TTLL7: variants seen among roughly 807,000 people sequenced by gnomAD.
The protein encoded by TTLL7 is tubulin tyrosine ligase like 7.
TTLL7 carries 53 observed loss-of-function variants against 120.2 expected under a neutral mutation model. The ratio of observed to expected loss-of-function variants is 0.44; its 90% confidence interval spans 0.35 to 0.55. TTLL7 has a LOEUF of 0.55. TTLL7 is among the 20% of genes least tolerant of loss of function. The probability of loss-of-function intolerance (pLI) is 0.00; values close to 1 mark genes in which losing one functional copy is unlikely to be tolerated. For synonymous variants in TTLL7, 353 were observed against 351.7 expected (o/e 1.00, Z -0.04); for missense variants, 803 against 1,054.7 (o/e 0.76, Z 3.31).
intron 20 of TTLL7, among the ~76,000 whole-genome samples, chr1:83,877,779 C>T (rs1205546797): frequency 6.6e-6 from 1 of 151,754 alleles, no homozygotes; most frequent in African/African-American, 2.4e-5. Flanking sequence ...CTAAAATCTG[C>T]TTTTGGCTGT....
intron 18 of TTLL7, among the ~76,000 whole-genome samples, chr1:83,899,076 G>A (rs1381943894): frequency 6.6e-6 from 1 of 151,700 alleles, no homozygotes; most frequent in African/African-American, 2.4e-5. Context: ...TTATAAAAAT[G>A]GAAAGTTTTA....
At chr1:83,918,490 T>G (rs1658373397) in intron 13 of TTLL7, among the ~76,000 whole-genome samples, 2 of 152,108 alleles carry the variant, frequency 1.3e-5, no homozygotes, top group African/African-American at 4.8e-5. Context: ...GCAGTAGAAA[T>G]GTGTAAAGTA....
intron 18 of TTLL7, among the ~76,000 whole-genome samples, chr1:83,896,480 G>A (rs572664591): frequency 1.3e-5 from 2 of 152,024 alleles, no homozygotes; most frequent in African/African-American, 4.8e-5. Flanking sequence ...ATAATGGCAC[G>A]AGGTGAAGGC....
At chr1:83,947,545 A>T (rs1648628200) in intron 5 of TTLL7, 1 of 318,746 alleles carries the variant, frequency 3.1e-6, no homozygotes, top group Non-Finnish European at 5.7e-6. Flanking sequence ...CATCAAAAAC[A>T]TTTTTTTTAG....
Position 83,919,721 on chromosome 1 carries a change from T to C in TTLL7, c.1478A>G (p.Asn493Ser). The change falls in exon 13 of 21, where the codon AAT (asparagine) becomes AGT (serine). Residue 493 changes from asparagine (N) to serine (S), a missense_variant. Asn to Ser is a conservative substitution (Grantham distance 46). Transcript: ENST00000260505. Reference protein sequence around the residue: ...GRAASFQRELNNPLKRMKEED... With the variant: ...GRAASFQRELSNPLKRMKEED... ...TACCTTCATCCTTTTCAAAGGATTA[T>C]TCAACTCTCGCTGGAATGAAGCTGC... is the stretch of plus-strand genomic sequence containing the variant. 1 of 1,612,634 alleles carries C rather than the reference T, an allele frequency of 6.2e-7. No homozygotes were observed. Among genetic ancestry groups the C allele is most frequent in the Non-Finnish European group, 8.5e-7 (1 of 1,179,316 alleles).
intron 19 of TTLL7, among the ~76,000 whole-genome samples, chr1:83,888,492 A>T (rs892994454): frequency 9.2e-5 from 14 of 152,026 alleles, no homozygotes; most frequent in Non-Finnish European, 1.9e-4. Flanking sequence ...ACATGGCTAG[A>T]ATATTTAAAT....
At position 83,924,466 on chromosome 1, in the gene TTLL7, A is replaced by G. The variant is rs576192253; in HGVS notation, c.1143-3072T>C. 4.6e-5 allele frequency among the ~76,000 whole-genome samples: 7 copies of G among 152,338 alleles called. No individual in the cohort carries two copies. In the East Asian group the frequency reaches 5.8e-4, roughly 13 times the overall value. On this transcript the variant is annotated intron_variant, in intron 10 of 20. Transcript: ENST00000260505. ...TCCCAGTTACTTTAAGCCAGTAACA[A>G]AGGGACAAATACATATGATTCCACT...
At position 83,900,058 on chromosome 1, in the gene TTLL7, C is replaced by A. The variant is rs551947900; in HGVS notation, c.2208+4021G>T. On this transcript the variant is annotated intron_variant, in intron 18 of 20. Coordinates refer to ENST00000260505, the MANE Select transcript of TTLL7 (RefSeq NM_024686.6). Reference sequence around the variant, plus strand: ...AACCCTAAAACATATGAAATTGTTTCTTCCAATTCACAAATATTATTAGTC... The same window carrying A: ...AACCCTAAAACATATGAAATTGTTTATTCCAATTCACAAATATTATTAGTC... 4.5e-5 allele frequency: 16 copies of A among 358,564 alleles called. No individual in the cohort carries two copies. In the East Asian group the frequency reaches 1.3e-3, roughly 28 times the overall value. 22.2% of individuals were successfully genotyped at this position (358,564 alleles called of 1,614,324 possible). A position where few individuals can be genotyped will look rare whatever the true frequency, so the allele number is the denominator to read the frequency against.
chr1:83,950,329 CT>C (rs1261755494), intron 3 of TTLL7, among the ~76,000 whole-genome samples: 4 of 152,064 alleles, frequency 2.6e-5, no homozygotes, highest in African/African-American at 9.7e-5. Context: ...CTTTTTATAG[CT>C]TTTTTTATGA....
chr1:83,882,850 A>G, intron 20 of TTLL7, 113 bp downstream of exon 20: 1 of 1,218,770 alleles, frequency 8.2e-7, no homozygotes, highest in East Asian at 2.4e-5. Context: ...ATGAACTTTC[A>G]GTCTTTAGCT....
chr1:83,957,497 CT>C (rs1482935160), intron 1 of TTLL7, among the ~76,000 whole-genome samples: 3 of 152,154 alleles, frequency 2.0e-5, no homozygotes, highest in Non-Finnish European at 2.9e-5. Flanking sequence ...AAACCAGTAT[CT>C]ACTTTCACAT....
Position 83,952,320 on chromosome 1 carries a change from T to G in TTLL7, c.-109A>C. ...GGATATGGCCCCAAATCACTGAAAGTTCTTATCATATTATCTTGGTGGAAT... is the reference window on the plus strand; with the variant it reads ...GGATATGGCCCCAAATCACTGAAAGGTCTTATCATATTATCTTGGTGGAAT... On this transcript the variant is annotated 5_prime_UTR_variant, in exon 2 of 21. Coordinates refer to ENST00000260505, the MANE Select transcript of TTLL7 (RefSeq NM_024686.6). The G allele has an allele frequency of 8.7e-7, 1 of 1,142,920 alleles. No homozygotes were observed. The highest frequency in any genetic ancestry group is 2.1e-5 in the Admixed American group (1 of 47,814). The allele number at this position is 1,142,920 out of a possible 1,614,324, so 70.8% of individuals were successfully genotyped here. A position where few individuals can be genotyped will look rare whatever the true frequency, so the allele number is the denominator to read the frequency against.
chr1:83,982,939 T>G (rs771307717), intron 1 of TTLL7, among the ~76,000 whole-genome samples: 4 of 151,994 alleles, frequency 2.6e-5, no homozygotes, highest in Non-Finnish European at 5.9e-5. Context: ...ATGGTAATGG[T>G]AGAAAAACAA....
At chr1:83,971,657 T>C (rs750890511) in intron 1 of TTLL7, among the ~76,000 whole-genome samples, 7 of 152,180 alleles carry the variant, frequency 4.6e-5, no homozygotes, top group South Asian at 2.1e-4. Flanking sequence ...TACTCCATCA[T>C]TGATCACTTT....
At chr1:83,872,731 A>G (rs2100693011) in intron 20 of TTLL7, among the ~76,000 whole-genome samples, 1 of 152,324 alleles carries the variant, frequency 6.6e-6, no homozygotes, top group East Asian at 1.9e-4. Flanking sequence ...CAAATAACTT[A>G]CACTATTTTA....
At chr1:83,954,878 A>G (rs1649374401) in intron 1 of TTLL7, among the ~76,000 whole-genome samples, 2 of 151,792 alleles carry the variant, frequency 1.3e-5, no homozygotes, top group Admixed American at 1.3e-4. Context: ...AAAAAAAAAA[A>G]CCAGAAAAAA....
chr1:83,890,557 C>T, intron 18 of TTLL7, 76 bp from the exon 19 acceptor site: 1 of 1,234,614 alleles, frequency 8.1e-7, no homozygotes, highest in Non-Finnish European at 1.1e-6. Flanking sequence ...AGCTTGAGCT[C>T]AGGAGTTCCA....
At chr1:83,942,388 T>C in intron 7 of TTLL7, 75 bp downstream of exon 7, 1 of 1,230,158 alleles carries the variant, frequency 8.1e-7, no homozygotes, top group East Asian at 2.4e-5. Flanking sequence ...ATACAATCTA[T>C]ATGCCTAATG....
intron 1 of TTLL7, among the ~76,000 whole-genome samples, chr1:83,970,300 T>C (rs553223999): frequency 6.6e-6 from 1 of 152,178 alleles, no homozygotes; most frequent in South Asian, 2.1e-4. Context: ...TTCCAGGAAT[T>C]CAAGCCAAGA....
Sources: allele counts gnomAD v4.1 joint callset (sites outside exome capture counted in the v4.1 genomes callset), GRCh38; gene constraint gnomAD v4.1.1; transcripts MANE v1.5; gene names NCBI Gene and HGNC (gene_info 2026-07-23, HGNC 2026-07-21).